Variants in PRKD1 observed in about 807,000 individuals in gnomAD.
The protein encoded by PRKD1 is protein kinase D1, also known as serine/threonine-protein kinase D1.
In PRKD1, 63 loss-of-function variants were observed where a neutral mutation model predicts 95.9. That is an observed-to-expected ratio of 0.66 (90% CI 0.54 to 0.81). PRKD1 has a LOEUF of 0.81. Ranked by LOEUF, PRKD1 falls within the 30% of genes least tolerant of loss-of-function variation. PRKD1 has a pLI of 0.00. For missense variants in PRKD1, 1,048 were observed against 1,165.3 expected (o/e 0.90, Z 1.47); for synonymous variants, 425 against 423.1 (o/e 1.00, Z -0.05).
chr14:29,788,873 GTTTTC>G (rs893067526), intron 1 of PRKD1, among the ~76,000 whole-genome samples: 7 of 151,274 alleles, frequency 4.6e-5, no homozygotes, highest in Non-Finnish European at 7.4e-5. Context: ...GAGTTTCTTT[GTTTTC>G]TTTTATTTAT....
intron 1 of PRKD1, among the ~76,000 whole-genome samples, chr14:29,760,819 C>T (rs187618195): frequency 1.2e-4 from 19 of 152,290 alleles, no homozygotes; most frequent in Non-Finnish European, 4.4e-5. Context: ...TAATAACAAT[C>T]TTCCTGTTTA....
intron 1 of PRKD1, among the ~76,000 whole-genome samples, chr14:29,730,194 T>C (rs1043176545): frequency 6.6e-5 from 10 of 151,944 alleles, no homozygotes; most frequent in Non-Finnish European, 1.5e-4. Context: ...GATGTACTAA[T>C]GGCCAATAGG....
In PRKD1 at chr14:29,576,660, A is replaced by T. The variant is rs1045079231; in HGVS notation, c.*578T>A. 6.1e-6 allele frequency: 1 copy of T among 163,384 alleles called. No individual in the cohort carries two copies. The highest frequency in any genetic ancestry group is 1.4e-5 in the Non-Finnish European group (1 of 73,340). The allele number at this position is 163,384 out of a possible 1,614,324, so 10.1% of individuals were successfully genotyped here. A position where few individuals can be genotyped will look rare whatever the true frequency, so the allele number is the denominator to read the frequency against. On this transcript the variant is annotated 3_prime_UTR_variant, in exon 18 of 18. Transcript: ENST00000331968. ...CACTAGGTCTTGCACAGCTAGGTGCATTGTCTTGAGTTTAAATATACTGAG... is the reference window on the plus strand; with the variant it reads ...CACTAGGTCTTGCACAGCTAGGTGCTTTGTCTTGAGTTTAAATATACTGAG...
rs547025366 is a variant in PRKD1, at chr14:29,812,270, T to C, written c.265-86596A>G. ...ACCGAAGCCCTATTAAAAGGACACA[T>C]ACAACATACAGGAAATCATTAGCAA... On this transcript the variant is annotated intron_variant, in intron 1 of 17. Coordinates refer to ENST00000331968, the MANE Select transcript of PRKD1 (RefSeq NM_002742.3). Among the ~76,000 whole-genome samples the C allele has an allele frequency of 7.2e-5, 11 of 152,268 alleles. 1 individual carries two copies. In the South Asian group the frequency reaches 1.7e-3, roughly 23 times the overall value.
intron 1 of PRKD1, among the ~76,000 whole-genome samples, chr14:29,736,085 T>C (rs1594471249): frequency 6.6e-6 from 1 of 152,226 alleles, no homozygotes; most frequent in East Asian, 1.9e-4. Flanking sequence ...TAGACATGGC[T>C]CTTTCCCTTC....
chr14:29,670,830 C>T (rs772228401), intron 2 of PRKD1, among the ~76,000 whole-genome samples: 1 of 152,186 alleles, frequency 6.6e-6, no homozygotes, highest in Non-Finnish European at 1.5e-5. Flanking sequence ...GTTAATCTCA[C>T]ATTTCACATT....
intron 2 of PRKD1, among the ~76,000 whole-genome samples, chr14:29,689,901 A>G (rs1462899152): frequency 6.6e-6 from 1 of 152,204 alleles, no homozygotes; most frequent in Admixed American, 6.5e-5. Flanking sequence ...TCTCACTTAT[A>G]TGTGGGAGCT....
At chr14:29,597,817 A>G in intron 15 of PRKD1, 59 bp from the exon 16 acceptor site, 2 of 1,497,800 alleles carry the variant, frequency 1.3e-6, no homozygotes, top group Non-Finnish European at 9.0e-7. Flanking sequence ...TGTGTGTCTT[A>G]GTTCAGATTC....
intron 2 of PRKD1, among the ~76,000 whole-genome samples, chr14:29,702,699 T>C (rs1313602977): frequency 6.6e-6 from 1 of 152,158 alleles, no homozygotes; most frequent in Non-Finnish European, 1.5e-5. Flanking sequence ...TAATATTTTG[T>C]AATTCCCTTA....
intron 1 of PRKD1, among the ~76,000 whole-genome samples, chr14:29,746,176 C>G (rs1375159911): frequency 6.8e-6 from 1 of 147,762 alleles, no homozygotes; most frequent in Non-Finnish European, 1.5e-5. Flanking sequence ...TTTTTGGTGC[C>G]ACTGTGGGAA....
At chr14:29,657,038 C>T (rs574727517) in intron 4 of PRKD1, among the ~76,000 whole-genome samples, 33 of 152,218 alleles carry the variant, frequency 2.2e-4, no homozygotes, top group African/African-American at 7.7e-4. Flanking sequence ...AGTCCAATAG[C>T]GGGTTAGAGT....
chr14:29,638,416 C>A, intron 6 of PRKD1, 73 bp downstream of exon 6: 3 of 1,548,880 alleles, frequency 1.9e-6, no homozygotes, highest in South Asian at 2.3e-5. Flanking sequence ...AACCAAAAAC[C>A]CTGACTAAAA....
chr14:29,648,296 A>AG (rs1881264122), intron 4 of PRKD1, among the ~76,000 whole-genome samples: 1 of 144,906 alleles, frequency 6.9e-6, no homozygotes, highest in Non-Finnish European at 1.5e-5. Context: ...GAGCACCACA[A>AG]TTTTTTTTTT....
chr14:29,927,262 A>T lies in PRKD1; in HGVS notation c.251T>A (p.Ile84Asn). 1 of 1,515,070 alleles carries T rather than the reference A, an allele frequency of 6.6e-7. No individual in the cohort carries two copies. The allele number at this position is 1,515,070 out of a possible 1,614,324, so 93.9% of individuals were successfully genotyped here. A position where few individuals can be genotyped will look rare whatever the true frequency, so the allele number is the denominator to read the frequency against. ...GCGGCGACTTACCTTCTGGTCGACA[A>T]TGGAGCAAGCCATCTCGCGGACGTG... The part of the protein sequence containing the change: ...LAHVREMACS[I>N]VDQKFPECGF... The change falls in exon 1 of 18, where the codon ATT (isoleucine) becomes AAT (asparagine). Residue 84 changes from isoleucine to asparagine, a missense_variant. Around this residue, in one of 3 missense-constraint regions of PRKD1, gnomAD observed 275 missense variants for 248.6 expected, o/e 1.11. Transcript: ENST00000331968.
rs1261420690 is a variant in PRKD1 at position 29,590,371 on chromosome 14, TAATC to T, written c.2434+7116_2434+7119del. 3.3e-5 allele frequency among the ~76,000 whole-genome samples: 5 copies of T among 152,216 alleles called. 1 individual carries two copies. The highest frequency in any genetic ancestry group is 1.2e-4 in the African/African-American group (5 of 41,460). The stretch of plus-strand genomic sequence containing the variant: ...GGCACACAGTATGGAGGATCTTAGA[TAATC>T]TATGTGACATTTATTAAAAACGTTA... On this transcript the variant is annotated intron_variant, in intron 16 of 17. Coordinates refer to ENST00000331968, the MANE Select transcript of PRKD1 (RefSeq NM_002742.3).
chr14:29,634,877 C>CA (rs45486592), intron 7 of PRKD1, among the ~76,000 whole-genome samples: 233 of 151,634 alleles, frequency 1.5e-3, no homozygotes, highest in Non-Finnish European at 2.5e-3. Context: ...ACTAAAAGTA[C>CA]AAAAAAAATC....
chr14:29,597,764 G>A lies in PRKD1; in HGVS notation c.2167-6C>T, dbSNP rs1037358211. On this transcript the variant is annotated splice_polypyrimidine_tract_variant and splice_region_variant and intron_variant, in intron 15 of 17. Coordinates refer to ENST00000331968, the MANE Select transcript of PRKD1 (RefSeq NM_002742.3). ...CCAAAATCACAAAGTTTCACCTGTT[G>A]ATGAAAGGATTTGCAGAAATACTCC... 1.2e-6 allele frequency: 2 copies of A among 1,607,086 alleles called. No homozygotes were observed. The highest frequency in any genetic ancestry group is 2.7e-5 in the African/African-American group (2 of 74,698).
intron 1 of PRKD1, among the ~76,000 whole-genome samples, chr14:29,839,137 T>C (rs1891729337): frequency 6.6e-6 from 1 of 152,200 alleles, no homozygotes; most frequent in Admixed American, 6.5e-5. Flanking sequence ...AGAAGACTGA[T>C]GATTAACAGC....
At chr14:29,619,907 T>C (rs1182199219) in intron 13 of PRKD1, among the ~76,000 whole-genome samples, 3 of 152,014 alleles carry the variant, frequency 2.0e-5, no homozygotes, top group Non-Finnish European at 4.4e-5. Context: ...GGCATCACAC[T>C]ACCTGACTTC....
Sources: gnomAD v4.1 joint callset for allele counts (sites outside exome capture counted in the v4.1 genomes callset) on GRCh38, gnomAD v4.1.1 for gene constraint, gnomAD v4.1.1 regional missense constraint, MANE v1.5 for transcripts, NCBI Gene and HGNC (gene_info 2026-07-23, HGNC 2026-07-21) for gene names.